Variants in IGSF11 observed in about 807,000 individuals in gnomAD.
The protein encoded by IGSF11 is CXADR like 1.
Under a neutral mutation model 41.0 loss-of-function variants are expected in IGSF11, and 22 were observed. That is an observed-to-expected ratio of 0.54 (90% CI 0.38 to 0.77). The LOEUF (loss-of-function observed/expected upper bound fraction) is 0.77. Among genes scored for constraint, IGSF11 ranks in the 30% least tolerant of loss-of-function variants. The pLI is 0.00. For synonymous variants in IGSF11, 219 were observed against 201.3 expected, an observed-to-expected ratio of 1.09 and a Z score of -0.74; for missense variants, 444 against 530.8, an observed-to-expected ratio of 0.84 and a Z score of 1.61.
At chr3:119,069,684 A>G (rs2076364075) in intron 1 of IGSF11, among the ~76,000 whole-genome samples, 1 of 152,104 alleles carries the variant, frequency 6.6e-6, no homozygotes, top group Non-Finnish European at 1.5e-5. Context: ...CAGAATAAAC[A>G]AAATTAGGAA....
chr3:119,083,525 C>A (rs796445383), intron 1 of IGSF11, among the ~76,000 whole-genome samples: 33 of 118,824 alleles, frequency 2.8e-4, no homozygotes, highest in Admixed American at 5.6e-4. Flanking sequence ...CACACACACA[C>A]ACACACACAC....
intron 1 of IGSF11, among the ~76,000 whole-genome samples, chr3:119,123,499 T>G (rs941444843): frequency 2.0e-5 from 3 of 152,202 alleles, no homozygotes; most frequent in African/African-American, 4.8e-5. Context: ...CCCTAGGGCC[T>G]TGAGCGAACA....
chr3:118,999,987 T>C (rs981779252), intron 1 of IGSF11, among the ~76,000 whole-genome samples: 3 of 151,194 alleles, frequency 2.0e-5, no homozygotes, highest in Admixed American at 6.6e-5. Flanking sequence ...TAAATTCAAA[T>C]AGATACTCCC....
At chr3:118,975,345 T>G (rs887560166) in intron 1 of IGSF11, among the ~76,000 whole-genome samples, 1 of 148,686 alleles carries the variant, frequency 6.7e-6, no homozygotes, top group African/African-American at 2.6e-5. Flanking sequence ...ACAAATAAAT[T>G]TGTAGCCCTG....
At chr3:119,075,942 C>T (rs2076487453) in intron 1 of IGSF11, among the ~76,000 whole-genome samples, 1 of 152,262 alleles carries the variant, frequency 6.6e-6, no homozygotes, top group Non-Finnish European at 1.5e-5. Flanking sequence ...AAAAAGAGCC[C>T]TCATTGACAA....
upstream of IGSF11, among the ~76,000 whole-genome samples, chr3:119,109,568 G>T (rs1309681504): frequency 2.6e-5 from 4 of 152,230 alleles, no homozygotes; most frequent in African/African-American, 9.6e-5. Flanking sequence ...TTTTTGAAGG[G>T]TTTTTTGTGT....
Position 118,975,360 on chromosome 3 carries a change from A to AT in IGSF11, c.53-45086dup, listed in dbSNP as rs199845644. On this transcript the variant is annotated intron_variant, in intron 1 of 6. Transcript: ENST00000393775. ...ACAAATAAATTTGTAGCCCTGCTGG[A>AT]TTTAAAAAAAAAAAAAAAAGATGTG... 1.4e-3 allele frequency among the ~76,000 whole-genome samples: 204 copies of AT among 149,478 alleles called. 1 individual carries two copies. The highest frequency in any genetic ancestry group is 0.013 in the East Asian group (67 of 5,142).
chr3:118,914,621 G>A (rs1178024092), intron 4 of IGSF11, among the ~76,000 whole-genome samples: 3 of 148,370 alleles, frequency 2.0e-5, no homozygotes, highest in South Asian at 2.2e-4. Flanking sequence ...ACGGAGTCTC[G>A]CTGATTGCTA....
chr3:119,085,001 T>C lies in IGSF11; in HGVS notation c.49+20143A>G, dbSNP rs527690774. Among the ~76,000 whole-genome samples the C allele has an allele frequency of 2.0e-5, 3 of 152,130 alleles. No individual in the cohort carries two copies. In the South Asian group the frequency reaches 6.2e-4, roughly 32 times the overall value. On this transcript the variant is annotated intron_variant, in intron 1 of 6. Transcript: ENST00000354673. The stretch of plus-strand genomic sequence containing the variant: ...GGTATGCCTCCTTCCACAGGGCTTG[T>C]CCAATAAGGGTGTGGCCTATCTCCC...
At chr3:119,058,980 G>A (rs143887295) in intron 1 of IGSF11, among the ~76,000 whole-genome samples, 6 of 151,670 alleles carry the variant, frequency 4.0e-5, no homozygotes, top group African/African-American at 9.7e-5. Flanking sequence ...GTTGTGGGGT[G>A]GGGGGAGAGG....
Position 118,905,722 on chromosome 3 carries a change from T to C in IGSF11, c.581-4A>G. ...GTGACTGTTCCCTGGACCTGGTCTG[T>C]CACAAAAATAATAACCGAGTGAGGA... On this transcript the variant is annotated splice_polypyrimidine_tract_variant and splice_region_variant and intron_variant, in intron 4 of 6. Transcript: ENST00000393775. 1.2e-5 allele frequency: 19 copies of C among 1,613,372 alleles called. No individual in the cohort carries two copies. The highest frequency in any genetic ancestry group is 1.6e-5 in the Non-Finnish European group (19 of 1,179,568).
chr3:119,015,676 T>C (rs1211007200), intron 1 of IGSF11, among the ~76,000 whole-genome samples: 2 of 151,900 alleles, frequency 1.3e-5, no homozygotes, highest in African/African-American at 4.8e-5. Flanking sequence ...CTCTGCTATA[T>C]CTTCAGTACC....
At chr3:118,979,892 C>G (rs1252896568) in intron 1 of IGSF11, among the ~76,000 whole-genome samples, 2 of 151,886 alleles carry the variant, frequency 1.3e-5, no homozygotes, top group Admixed American at 1.3e-4. Flanking sequence ...ATACAAATGG[C>G]CAACAGGTAT....
intron 1 of IGSF11, among the ~76,000 whole-genome samples, chr3:119,042,176 C>G (rs1219856630): frequency 6.6e-6 from 1 of 152,150 alleles, no homozygotes; most frequent in African/African-American, 2.4e-5. Context: ...TATTAAGTGC[C>G]CACTGAAGGC....
At chr3:119,087,243 G>A (rs113812419) in intron 1 of IGSF11, among the ~76,000 whole-genome samples, 8,211 of 152,168 alleles carry the variant, frequency 0.054, 350 homozygotes, top group Admixed American at 0.15. Context: ...CTACCCAGAG[G>A]AAAAGAAGTC....
chr3:118,958,285 G>A (rs1164605736), intron 1 of IGSF11, among the ~76,000 whole-genome samples: 2 of 152,126 alleles, frequency 1.3e-5, no homozygotes. Context: ...AAAGAAATAC[G>A]TGAAAGTTGA....
intron 4 of IGSF11, among the ~76,000 whole-genome samples, chr3:118,921,590 T>C (rs1941803564): frequency 6.6e-6 from 1 of 152,072 alleles, no homozygotes; most frequent in Admixed American, 6.6e-5. Context: ...AACCATAAGT[T>C]AGTCACGATG....
chr3:118,999,599 A>G (rs901084231), intron 1 of IGSF11, among the ~76,000 whole-genome samples: 3 of 152,302 alleles, frequency 2.0e-5, no homozygotes, highest in African/African-American at 7.2e-5. Context: ...GTGACTGAGC[A>G]AAAAATTTTG....
At chr3:118,966,060 T>C (rs560373653) in intron 1 of IGSF11, among the ~76,000 whole-genome samples, 91 of 151,094 alleles carry the variant, frequency 6.0e-4, no homozygotes, top group Non-Finnish European at 1.2e-3. Context: ...ACTACAATAG[T>C]AGTTAATCCA....
Sources: allele counts gnomAD v4.1 joint callset (sites outside exome capture counted in the v4.1 genomes callset), GRCh38; gene constraint gnomAD v4.1.1; transcripts MANE v1.5; gene names NCBI Gene and HGNC (gene_info 2026-07-23, HGNC 2026-07-21).